The following ADAMTS14 variants were observed in gnomAD, a reference collection of about 807,000 sequenced individuals.
ADAMTS14 encodes the protein ADAM metallopeptidase with thrombospondin type 1 motif 14, also known as A disintegrin and metalloproteinase with thrombospondin motifs 14.
Under a neutral mutation model 128.6 loss-of-function variants are expected in ADAMTS14, and 100 were observed. The observed-to-expected ratio is 0.78, with a 90% confidence interval of 0.66 to 0.92. The LOEUF is 0.92. ADAMTS14 is among the 40% of genes least tolerant of loss of function. The probability of loss-of-function intolerance (pLI) is 0.00; values close to 1 mark genes in which losing one functional copy is unlikely to be tolerated. For synonymous variants in ADAMTS14, 665 were observed against 653.8 expected (o/e 1.02, Z -0.26); for missense variants, 1,562 against 1,658.6 (o/e 0.94, Z 1.01).
intron 13 of ADAMTS14, 118 bp from the exon 14 acceptor site, chr10:70,743,948 G>A: frequency 7.3e-7 from 1 of 1,370,694 alleles, no homozygotes; most frequent in African/African-American, 1.5e-5. Flanking sequence ...TCCTGTCCAG[G>A]GACATCTCCC....
rs145051229 is a variant in ADAMTS14, at chr10:70,752,860, C to T, written c.2729+633C>T. On this transcript the variant is annotated intron_variant, in intron 18 of 21. Transcript: ENST00000373207. ...GGCAAGGGTGGGAACCGGTGGCCAG[C>T]GCTAGAGGCTGCTGTGGCCTCCCTG... Among the ~76,000 whole-genome samples the T allele has an allele frequency of 2.7e-3, 414 of 152,320 alleles. 1 individual carries two copies. The highest frequency in any genetic ancestry group is 5.0e-3 in the Non-Finnish European group (342 of 68,000).
At chr10:70,674,439 G>A in intron 1 of ADAMTS14, 117 bp from the exon 2 acceptor site, 1 of 1,031,108 alleles carries the variant, frequency 9.7e-7, no homozygotes, top group Non-Finnish European at 1.4e-6. Context: ...CAGGCTAAGG[G>A]GCCCACCTAA....
At chr10:70,687,407 G>A (rs1435269856) in intron 2 of ADAMTS14, among the ~76,000 whole-genome samples, 1 of 49,314 alleles carries the variant, frequency 2.0e-5, no homozygotes, top group African/African-American at 6.9e-5. Flanking sequence ...CAGTAGGGGC[G>A]GCCGGGCAGA....
At chr10:70,720,779 T>C (rs1242099829) in intron 4 of ADAMTS14, among the ~76,000 whole-genome samples, 1 of 152,224 alleles carries the variant, frequency 6.6e-6, no homozygotes, top group Non-Finnish European at 1.5e-5. Flanking sequence ...GTCATCGGCA[T>C]GTGTAACACA....
At chr10:70,706,201 C>T (rs1840661008) in intron 3 of ADAMTS14, among the ~76,000 whole-genome samples, 1 of 152,194 alleles carries the variant, frequency 6.6e-6, no homozygotes, top group Admixed American at 6.5e-5. Context: ...TCCCCAATTC[C>T]CCAGAAAGTC....
At chr10:70,738,716 G>T in intron 10 of ADAMTS14, 126 bp from the exon 11 acceptor site, 1 of 1,328,146 alleles carries the variant, frequency 7.5e-7, no homozygotes, top group Non-Finnish European at 1.0e-6. Flanking sequence ...AGGCTGCTCA[G>T]CTCATGCTAG....
At chr10:70,747,941 G>A (rs1001898084) in intron 15 of ADAMTS14, among the ~76,000 whole-genome samples, 2 of 152,154 alleles carry the variant, frequency 1.3e-5, no homozygotes, top group African/African-American at 4.8e-5. Flanking sequence ...TAGAGGCCCA[G>A]GACAGGTGGC....
intron 2 of ADAMTS14, among the ~76,000 whole-genome samples, chr10:70,676,512 G>T (rs148890861): frequency 2.4e-4 from 36 of 152,342 alleles, no homozygotes; most frequent in Non-Finnish European, 4.1e-4. Context: ...AATCACCTGA[G>T]CACCTTGTCA....
chr10:70,754,716 C>T (rs1263265531), intron 19 of ADAMTS14, among the ~76,000 whole-genome samples: 1 of 152,090 alleles, frequency 6.6e-6, no homozygotes, highest in Non-Finnish European at 1.5e-5. Flanking sequence ...TGCATATATT[C>T]TAAGAGCAAT....
intron 7 of ADAMTS14, 58 bp from the exon 8 acceptor site, chr10:70,733,827 G>T (rs1841729529): frequency 5.8e-6 from 9 of 1,560,314 alleles, no homozygotes; most frequent in Non-Finnish European, 7.0e-6. Context: ...CTGCCTGCCT[G>T]CCTTCCCGGG....
rs765153560 is a variant in ADAMTS14, at chr10:70,745,504, G to T, written c.2263+198G>T. ...CCATTCCATGGTTTACATTTCAGAAGGTCTCAAAGGGGACCTAGTAAAGAG... is the reference window on the plus strand; with the variant it reads ...CCATTCCATGGTTTACATTTCAGAATGTCTCAAAGGGGACCTAGTAAAGAG... On this transcript the variant is annotated intron_variant, in intron 15 of 21. Coordinates refer to ENST00000373207, the MANE Select transcript of ADAMTS14 (RefSeq NM_080722.4). 7 of 649,626 alleles carry T rather than the reference G, an allele frequency of 1.1e-5. No individual in the cohort carries two copies. In the South Asian group the frequency reaches 1.2e-4, roughly 11 times the overall value. The allele number at this position is 649,626 out of a possible 1,614,324, so 40.2% of individuals were successfully genotyped here.
intron 4 of ADAMTS14, among the ~76,000 whole-genome samples, chr10:70,723,927 T>C (rs1538676): frequency 0.9 from 136,978 of 152,308 alleles, 61,700 homozygotes; most frequent in East Asian, 1. Context: ...AGTTCAACTC[T>C]TGGCCTTCTC....
chr10:70,725,180 G>C (rs1841388424), intron 4 of ADAMTS14, among the ~76,000 whole-genome samples: 1 of 152,080 alleles, frequency 6.6e-6, no homozygotes, highest in Non-Finnish European at 1.5e-5. Flanking sequence ...AAGTCCATAA[G>C]AGACTGCGGT....
Position 70,728,590 on chromosome 10 carries a change from A to G in ADAMTS14, c.871-704A>G, listed in dbSNP as rs1206100799. On this transcript the variant is annotated intron_variant, in intron 4 of 21. Transcript: ENST00000373207. ...AGGAGCTTCCTGGCAGAGGAGTGCA[A>G]AGGGCTGCATTCTTTGATGAGCTGT... 2.6e-5 allele frequency among the ~76,000 whole-genome samples: 4 copies of G among 152,206 alleles called. No homozygotes were observed. In the South Asian group the frequency reaches 6.2e-4, roughly 24 times the overall value.
chr10:70,731,239 A>C (rs1752507159), intron 6 of ADAMTS14, among the ~76,000 whole-genome samples: 1 of 151,482 alleles, frequency 6.6e-6, no homozygotes, highest in African/African-American at 2.4e-5. Flanking sequence ...ATGTAGAGAC[A>C]CAAAGACACA....
intron 2 of ADAMTS14, among the ~76,000 whole-genome samples, chr10:70,676,996 T>C (rs762915088): frequency 6.6e-6 from 1 of 152,172 alleles, no homozygotes; most frequent in African/African-American, 2.4e-5. Context: ...GCTCAATATA[T>C]GGTGAGAACC....
intron 2 of ADAMTS14, among the ~76,000 whole-genome samples, chr10:70,689,817 C>T (rs139075548): frequency 0.015 from 2,251 of 145,266 alleles, 382 homozygotes; most frequent in Non-Finnish European, 0.015. Flanking sequence ...TCACTGCCCT[C>T]CCTGAAGGGA....
At position 70,761,031 on chromosome 10, in the gene ADAMTS14, CAAAGATCAGGG is replaced by C; in HGVS notation, c.*183_*193del. The stretch of plus-strand genomic sequence containing the variant: ...CCCACAAAGCGGGGTGGGAGGAAGA[CAAAGATCAGGG>C]AAAGCCCTAATCGGAGATACCTCAG... On this transcript the variant is annotated 3_prime_UTR_variant, in exon 22 of 22. Coordinates refer to ENST00000373207, the MANE Select transcript of ADAMTS14 (RefSeq NM_080722.4). 5.0e-6 allele frequency: 5 copies of C among 990,694 alleles called. No individual in the cohort carries two copies. The South Asian group carries it at 1.1e-4, about 22-fold the overall frequency. 61.4% of individuals were successfully genotyped at this position (990,694 alleles called of 1,614,324 possible).
At chr10:70,673,909 A>G (rs1410627957) in intron 1 of ADAMTS14, among the ~76,000 whole-genome samples, 3 of 152,118 alleles carry the variant, frequency 2.0e-5, no homozygotes, top group African/African-American at 7.2e-5. Flanking sequence ...CCCCCTGTAT[A>G]TCCTTTTATT....
Sources: gnomAD v4.1 joint callset for allele counts (sites outside exome capture counted in the v4.1 genomes callset) on GRCh38, gnomAD v4.1.1 for gene constraint, MANE v1.5 for transcripts, NCBI Gene and HGNC (gene_info 2026-07-23, HGNC 2026-07-21) for gene names.